Variants in SMYD3 observed in about 807,000 individuals in gnomAD.
The protein encoded by SMYD3 is histone-lysine N-methyltransferase SMYD3.
In SMYD3, 36 loss-of-function variants were observed where a neutral mutation model predicts 57.7. The ratio of observed to expected loss-of-function variants is 0.62; its 90% CI spans 0.48 to 0.82. The LOEUF is 0.82. Ranked by LOEUF, SMYD3 falls within the 40% of genes least tolerant of loss-of-function variation. The probability of loss-of-function intolerance (pLI) is 0.00; values close to 1 mark genes in which losing one functional copy is unlikely to be tolerated. For synonymous variants in SMYD3, 211 were observed against 195.0 expected (o/e 1.08, Z -0.68); for missense variants, 515 against 538.8 (o/e 0.96, Z 0.44).
chr1:245,842,387 T>A (rs1188576618), intron 10 of SMYD3, among the ~76,000 whole-genome samples: 1 of 152,140 alleles, frequency 6.6e-6, no homozygotes, highest in Non-Finnish European at 1.5e-5. Context: ...CCAACTGACC[T>A]GAAGCCATTT....
chr1:246,069,782 T>C (rs1404794038), intron 5 of SMYD3, among the ~76,000 whole-genome samples: 4 of 152,190 alleles, frequency 2.6e-5, no homozygotes, highest in African/African-American at 9.7e-5. Flanking sequence ...CTGCGAAGGC[T>C]GAATTCCATT....
chr1:246,101,232 C>T (rs2061011192), intron 5 of SMYD3, among the ~76,000 whole-genome samples: 1 of 151,870 alleles, frequency 6.6e-6, no homozygotes, highest in Admixed American at 6.6e-5. Context: ...AAAATAACTG[C>T]AATGCTAGTA....
intron 5 of SMYD3, among the ~76,000 whole-genome samples, chr1:246,212,172 C>A (rs1171083163): frequency 6.6e-6 from 1 of 151,934 alleles, no homozygotes; most frequent in Non-Finnish European, 1.5e-5. Flanking sequence ...AGATAGTTAG[C>A]AATATGCAAC....
chr1:246,437,788 T>C (rs1004576647), intron 1 of SMYD3, among the ~76,000 whole-genome samples: 12 of 152,192 alleles, frequency 7.9e-5, no homozygotes, highest in African/African-American at 2.9e-4. Context: ...TGTTGTTATA[T>C]CAAGAAAACT....
chr1:246,142,113 CTTA>C (rs1033293754), intron 5 of SMYD3, among the ~76,000 whole-genome samples: 5 of 152,146 alleles, frequency 3.3e-5, no homozygotes, highest in African/African-American at 1.2e-4. Flanking sequence ...AGTAGTCCCC[CTTA>C]CCCTTAGGGG....
At chr1:246,125,148 C>T (rs769826713) in intron 5 of SMYD3, among the ~76,000 whole-genome samples, 7 of 151,530 alleles carry the variant, frequency 4.6e-5, no homozygotes, top group Non-Finnish European at 8.8e-5. Context: ...TCAATGATTA[C>T]GGAACTTTAC....
In SMYD3 at chr1:245,844,463, C is replaced by T. The variant is rs370167883; in HGVS notation, c.1076+14033G>A. 1.2e-4 allele frequency among the ~76,000 whole-genome samples: 19 copies of T among 152,262 alleles called. No homozygotes were observed. In the East Asian group the frequency reaches 1.7e-3, roughly 14 times the overall value. On this transcript the variant is annotated intron_variant, in intron 10 of 11. Transcript: ENST00000490107. ...AAGAAATCCAATTCAAATAGGCTGA[C>T]GAAGTAAAAATAAAGTTTATCAGCC...
intron 1 of SMYD3, among the ~76,000 whole-genome samples, chr1:246,411,528 A>G (rs2066968431): frequency 6.6e-6 from 1 of 152,196 alleles, no homozygotes; most frequent in South Asian, 2.1e-4. Flanking sequence ...ACGCACACAT[A>G]TGTTTATTGT....
intron 5 of SMYD3, among the ~76,000 whole-genome samples, chr1:246,025,464 C>T (rs967848481): frequency 3.9e-5 from 6 of 152,108 alleles, no homozygotes; most frequent in African/African-American, 1.4e-4. Context: ...CTCTAAAAAC[C>T]GAAAAGAGGT....
chr1:245,793,184 C>T (rs1238417429), intron 10 of SMYD3, among the ~76,000 whole-genome samples: 1 of 150,912 alleles, frequency 6.6e-6, no homozygotes, highest in Non-Finnish European at 1.5e-5. Flanking sequence ...TGGCGGGTGC[C>T]TGTAGTCCCA....
intron 10 of SMYD3, among the ~76,000 whole-genome samples, chr1:245,830,229 G>A (rs375591780): frequency 6.6e-6 from 1 of 152,308 alleles, no homozygotes; most frequent in Admixed American, 6.5e-5. Context: ...ACCTGAGACT[G>A]GGTAATTTTT....
At chr1:246,051,826 G>A (rs2060072350) in intron 5 of SMYD3, among the ~76,000 whole-genome samples, 1 of 152,128 alleles carries the variant, frequency 6.6e-6, no homozygotes, top group African/African-American at 2.4e-5. Context: ...TATTAATCAT[G>A]CTGAAACTGT....
intron 2 of SMYD3, among the ~76,000 whole-genome samples, chr1:246,343,802 C>T (rs180945637): frequency 6.4e-4 from 98 of 152,228 alleles, no homozygotes; most frequent in Non-Finnish European, 9.0e-4. Flanking sequence ...CCTTCTACAA[C>T]GGCTTCTTCA....
chr1:245,974,424 T>C (rs1558548609), intron 5 of SMYD3, among the ~76,000 whole-genome samples: 1 of 152,216 alleles, frequency 6.6e-6, no homozygotes, highest in Non-Finnish European at 1.5e-5. Context: ...CTTGAATCTA[T>C]TTCATTTTTC....
chr1:246,484,751 T>C (rs879717032), intron 1 of SMYD3, among the ~76,000 whole-genome samples: 1 of 86,988 alleles, frequency 1.1e-5, no homozygotes, highest in Non-Finnish European at 2.5e-5. Flanking sequence ...ACCTAAACCA[T>C]TGCACTAGTT....
At chr1:246,196,039 A>T (rs2062827024) in intron 5 of SMYD3, among the ~76,000 whole-genome samples, 2 of 151,412 alleles carry the variant, frequency 1.3e-5, no homozygotes, top group East Asian at 1.9e-4. Context: ...TTCTTTATTT[A>T]AAAAAAAACC....
intron 5 of SMYD3, among the ~76,000 whole-genome samples, chr1:246,088,064 T>C (rs539833547): frequency 2.9e-4 from 44 of 152,302 alleles, no homozygotes; most frequent in Admixed American, 7.8e-4. Context: ...GTGAGCCCCT[T>C]TGACTCATGA....
intron 10 of SMYD3, among the ~76,000 whole-genome samples, chr1:245,852,014 T>G (rs562059091): frequency 1.3e-5 from 2 of 152,360 alleles, no homozygotes; most frequent in African/African-American, 4.8e-5. Flanking sequence ...TCATTTTGTT[T>G]CATCCTTAAG....
intron 5 of SMYD3, among the ~76,000 whole-genome samples, chr1:246,273,161 T>TTG (rs2064258201): frequency 1.1e-4 from 14 of 131,106 alleles, no homozygotes; most frequent in East Asian, 2.3e-4. Flanking sequence ...TTCTTTTTTT[T>TTG]GGGGGGGGGA....
Sources: allele counts gnomAD v4.1 joint callset (sites outside exome capture counted in the v4.1 genomes callset), GRCh38; gene constraint gnomAD v4.1.1; transcripts MANE v1.5; gene names NCBI Gene and HGNC (gene_info 2026-07-23, HGNC 2026-07-21).